PKD1L1: variants seen among roughly 807,000 people sequenced by gnomAD.
The protein encoded by PKD1L1 is polycystin-1-like protein 1.
PKD1L1 carries 236 observed loss-of-function variants against 323.4 expected under a neutral mutation model. The ratio of observed to expected loss-of-function variants is 0.73; its 90% CI spans 0.66 to 0.81. The LOEUF is 0.81. Ranked by LOEUF, PKD1L1 falls within the 40% of genes least tolerant of loss-of-function variation. The pLI is 0.00. For synonymous variants in PKD1L1, 1,344 were observed against 1,335.0 expected, an observed-to-expected ratio of 1.01 and a Z score of -0.15; for missense variants, 3,320 against 3,508.0, an observed-to-expected ratio of 0.95 and a Z score of 1.35.
intron 13 of PKD1L1, among the ~76,000 whole-genome samples, chr7:47,901,299 C>CT (rs1787082030): frequency 7.4e-6 from 1 of 134,580 alleles, no homozygotes; most frequent in Non-Finnish European, 1.5e-5. Flanking sequence ...GATCATGCCA[C>CT]TGCACTCCAG....
rs1788094724 is a variant in PKD1L1 at position 47,946,357 on chromosome 7, AAC to A, written c.44+2038_44+2039del. Among the ~76,000 whole-genome samples, 2 of 151,484 alleles carry A rather than the reference AAC, an allele frequency of 1.3e-5. No individual in the cohort carries two copies. Among genetic ancestry groups the A allele is most frequent in the Admixed American group, 1.3e-4 (2 of 15,160 alleles). ...CATTAGGACAAATACCTACCACACA[AAC>A]ACACACCACACACTCACACCACACC... On this transcript the variant is annotated intron_variant, in intron 1 of 56. Coordinates refer to ENST00000289672, the MANE Select transcript of PKD1L1 (RefSeq NM_138295.5). The surrounding 1 kb of genome is among the most constrained non-coding windows in gnomAD (Gnocchi z 4.1).
At chr7:47,809,687 G>T in intron 50 of PKD1L1, 110 bp from the exon 51 acceptor site, 1 of 729,534 alleles carries the variant, frequency 1.4e-6, no homozygotes, top group Non-Finnish European at 2.1e-6. Context: ...GAGTAGCTAG[G>T]ATGCAAGCCC....
chr7:47,819,640 G>T (rs2128731985), intron 46 of PKD1L1: 3 of 1,118,934 alleles, frequency 2.7e-6, no homozygotes, highest in Non-Finnish European at 3.7e-6. Flanking sequence ...ACAATGCTCA[G>T]CAGAAAAAAA....
rs150485008 is a variant in PKD1L1 at position 47,826,458 on chromosome 7, T to C, written c.6854+892A>G. Among the ~76,000 whole-genome samples, 219 of 152,276 alleles carry C rather than the reference T, an allele frequency of 1.4e-3. 1 individual carries two copies. Among genetic ancestry groups the C allele is most frequent in the Middle Eastern group, 6.8e-3 (2 of 294 alleles). On this transcript the variant is annotated intron_variant, in intron 45 of 56. Transcript: ENST00000289672. ...CCTAACACAACCGCAGCTCTTCTCC[T>C]TGGAAAGGGATATGAAAATATTTAA... is the stretch of plus-strand genomic sequence containing the variant.
chr7:47,878,842 G>A (rs2128746029), intron 21 of PKD1L1, among the ~76,000 whole-genome samples: 1 of 152,326 alleles, frequency 6.6e-6, no homozygotes, highest in South Asian at 2.1e-4. Context: ...CGGGAGAGAA[G>A]GCTGACAGGA....
At chr7:47,809,281 T>A (rs1784844428) in intron 51 of PKD1L1, 192 bp downstream of exon 51, 1 of 527,540 alleles carries the variant, frequency 1.9e-6, no homozygotes, top group East Asian at 3.2e-5. Flanking sequence ...GTGTGGTACA[T>A]GACGGTAACT....
chr7:47,893,066 C>T (rs1786855844), intron 15 of PKD1L1, among the ~76,000 whole-genome samples: 1 of 150,638 alleles, frequency 6.6e-6, no homozygotes, highest in East Asian at 1.9e-4. Context: ...CCCATCTCTA[C>T]TAAAAATACA....
intron 26 of PKD1L1, among the ~76,000 whole-genome samples, chr7:47,862,206 A>G (rs1004988699): frequency 1.3e-5 from 2 of 152,124 alleles, no homozygotes; most frequent in Admixed American, 6.5e-5. Flanking sequence ...AAAAAAAAAG[A>G]GCAATTGGAT....
At chr7:47,881,517 C>G (rs1356207195) in intron 20 of PKD1L1, among the ~76,000 whole-genome samples, 2 of 152,178 alleles carry the variant, frequency 1.3e-5, no homozygotes, top group Non-Finnish European at 2.9e-5. Context: ...AGCACCATGT[C>G]TGGGCTGGGA....
At position 47,858,675 on chromosome 7, in the gene PKD1L1, A is replaced by G; in HGVS notation, c.4360T>C (p.Leu1454=). 3 of 1,609,754 alleles carry G rather than the reference A, an allele frequency of 1.9e-6. No homozygotes were observed. The highest frequency in any genetic ancestry group is 2.6e-6 in the Non-Finnish European group (3 of 1,176,016). The part of the protein sequence containing the change: ...EGITVISDLL[L]GCLSLNHVST... ...GATGGAGAAAAAGTGTGACTTACCA[A>G]CAATAAATCTGAGATGACTGTAATT... Residue 1454 remains leucine, a splice_region_variant and synonymous_variant, in exon 27 of 57, where the codon TTG becomes CTG. Coordinates refer to ENST00000289672, the MANE Select transcript of PKD1L1 (RefSeq NM_138295.5).
chr7:47,924,932 A>T (rs989389154), intron 7 of PKD1L1, among the ~76,000 whole-genome samples: 1 of 152,222 alleles, frequency 6.6e-6, no homozygotes, highest in Non-Finnish European at 1.5e-5. Context: ...GAAACTGGAG[A>T]GGTCAAATTG....
chr7:47,896,966 C>T (rs548216785), intron 14 of PKD1L1, among the ~76,000 whole-genome samples: 1 of 152,318 alleles, frequency 6.6e-6, no homozygotes, highest in Admixed American at 6.5e-5. Context: ...GAAGAGTATA[C>T]AGCCTGCTGG....
chr7:47,885,642 G>A (rs776705568), intron 18 of PKD1L1, 44 bp downstream of exon 18: 28 of 1,563,992 alleles, frequency 1.8e-5, no homozygotes, highest in Middle Eastern at 2.1e-4. Flanking sequence ...GGTAACTTTG[G>A]TGCCTAGACA....
intron 46 of PKD1L1, chr7:47,819,417 G>T: frequency 3.2e-6 from 2 of 628,530 alleles, no homozygotes; most frequent in Non-Finnish European, 4.7e-6. Context: ...AATGTGAGAT[G>T]AAAAATAAAC....
At chr7:47,891,421 A>C (rs1027713164) in intron 15 of PKD1L1, among the ~76,000 whole-genome samples, 5 of 152,218 alleles carry the variant, frequency 3.3e-5, no homozygotes, top group African/African-American at 1.2e-4. Context: ...TCAAACATAT[A>C]GTTCCAGCAG....
At chr7:47,882,568 A>C (rs1440286070) in intron 19 of PKD1L1, among the ~76,000 whole-genome samples, 1 of 152,056 alleles carries the variant, frequency 6.6e-6, no homozygotes, top group Non-Finnish European at 1.5e-5. Flanking sequence ...GAGGTCAGGG[A>C]GGTCCTCTCT....
At chr7:47,954,966 C>T in the PKD1L1 span, among the ~76,000 whole-genome samples, 1 of 152,188 alleles carries the variant, frequency 6.6e-6, no homozygotes, top group Non-Finnish European at 1.5e-5. Flanking sequence ...TCCAGGAAGG[C>T]GGCTACATTT....
intron 44 of PKD1L1, 116 bp downstream of exon 44, chr7:47,829,309 T>G (rs1172127935): frequency 9.9e-7 from 1 of 1,005,700 alleles, no homozygotes; most frequent in South Asian, 1.8e-5. Context: ...AGACATCCCA[T>G]GGGTCTCCAA....
chr7:47,810,605 C>T (rs904542275), intron 50 of PKD1L1, among the ~76,000 whole-genome samples: 1 of 152,178 alleles, frequency 6.6e-6, no homozygotes, highest in Non-Finnish European at 1.5e-5. Flanking sequence ...ACTGAACAGT[C>T]CCTAGAGTCT....
Sources: gnomAD v4.1 joint callset for allele counts (sites outside exome capture counted in the v4.1 genomes callset) on GRCh38, gnomAD v4.1.1 for gene constraint, Gnocchi (gnomAD v3.1) non-coding constraint, MANE v1.5 for transcripts, NCBI Gene and HGNC (gene_info 2026-07-23, HGNC 2026-07-21) for gene names.